STARD13: variants seen among roughly 807,000 people sequenced by gnomAD.
STARD13 encodes the protein stAR-related lipid transfer protein 13.
A neutral mutation model predicts 106.4 loss-of-function variants in STARD13; 62 were observed. The ratio of observed to expected loss-of-function variants is 0.58; its 90% confidence interval spans 0.48 to 0.72. The LOEUF (loss-of-function observed/expected upper bound fraction) is 0.72. Among genes scored for constraint, STARD13 ranks in the 30% least tolerant of loss-of-function variants. The pLI is 0.00. For synonymous variants in STARD13, 565 were observed against 553.0 expected (o/e 1.02, Z -0.31); for missense variants, 1,387 against 1,424.0 (o/e 0.97, Z 0.42).
intron 5 of STARD13, among the ~76,000 whole-genome samples, chr13:33,128,637 G>A (rs1566005469): frequency 6.6e-6 from 1 of 152,160 alleles, no homozygotes; most frequent in Non-Finnish European, 1.5e-5. Context: ...AGGATTCCCT[G>A]CCTATGGTGC....
chr13:33,548,020 G>C, the STARD13 span, among the ~76,000 whole-genome samples: 1 of 152,116 alleles, frequency 6.6e-6, no homozygotes, highest in Non-Finnish European at 1.5e-5. Flanking sequence ...CTTTATTTTA[G>C]ATTCACTATA....
At chr13:33,141,590 T>C (rs1566019913) in intron 4 of STARD13, among the ~76,000 whole-genome samples, 1 of 152,054 alleles carries the variant, frequency 6.6e-6, no homozygotes, top group Admixed American at 6.5e-5. Context: ...GGGAGAATGG[T>C]GAAAGATGAG....
the STARD13 span, among the ~76,000 whole-genome samples, chr13:33,394,317 G>A: frequency 6.6e-6 from 1 of 151,948 alleles, no homozygotes; most frequent in African/African-American, 2.4e-5. Flanking sequence ...CTGTCCACAT[G>A]TAGCTATTTA....
At chr13:33,551,568 C>CTTTTTT in the STARD13 span, among the ~76,000 whole-genome samples, 1,975 of 44,794 alleles carry the variant, frequency 0.044, 968 homozygotes, top group East Asian at 0.062. Context: ...TTTGCTTTTC[C>CTTTTTT]CTTTTTTTTT....
chr13:33,165,137 C>T (rs1046878297), intron 3 of STARD13, among the ~76,000 whole-genome samples, 200 bp downstream of exon 3: 1 of 152,044 alleles, frequency 6.6e-6, no homozygotes, highest in African/African-American at 2.4e-5. Flanking sequence ...GTCCAAAGGC[C>T]CCTGCTAGGA....
chr13:33,488,548 T>C, the STARD13 span, among the ~76,000 whole-genome samples: 1 of 152,176 alleles, frequency 6.6e-6, no homozygotes, highest in Non-Finnish European at 1.5e-5. Flanking sequence ...AGAATGAAGA[T>C]TTTTAAGAAT....
the STARD13 span, among the ~76,000 whole-genome samples, chr13:33,490,275 A>G: frequency 1.3e-5 from 2 of 152,208 alleles, no homozygotes; most frequent in Non-Finnish European, 2.9e-5. Flanking sequence ...ACAGGGAAAT[A>G]CTGGGTAGAA....
chr13:33,213,911 G>A (rs976664792), intron 1 of STARD13, among the ~76,000 whole-genome samples: 6 of 152,184 alleles, frequency 3.9e-5, no homozygotes, highest in African/African-American at 1.4e-4. Flanking sequence ...ATGCTAATGG[G>A]CATCAACAAG....
chr13:33,322,792 A>T lies in STARD13; in HGVS notation c.124+27498T>A, dbSNP rs144706056. On this transcript the variant is annotated intron_variant, in intron 1 of 5. Coordinates refer to the STARD13 transcript ENST00000567873. ...ACCTAAGTCGATATTTGCTACAATC[A>T]TGCAATCTAGTTCTCCTTTCTACCA... is the stretch of plus-strand genomic sequence containing the variant. Among the ~76,000 whole-genome samples the T allele has an allele frequency of 6.6e-5, 10 of 152,344 alleles. 1 individual carries two copies. The highest frequency in any genetic ancestry group is 2.4e-4 in the African/African-American group (10 of 41,590).
intron 1 of STARD13, among the ~76,000 whole-genome samples, chr13:33,190,748 G>A (rs966437059): frequency 2.6e-5 from 4 of 151,988 alleles, no homozygotes; most frequent in Non-Finnish European, 5.9e-5. Context: ...CACCACGCCT[G>A]GCTAATTTTT....
intron 1 of STARD13, among the ~76,000 whole-genome samples, chr13:33,253,424 A>G (rs991042638): frequency 2.6e-5 from 4 of 152,254 alleles, no homozygotes; most frequent in Admixed American, 2.0e-4. Flanking sequence ...TACATGCTTC[A>G]TCCAGGAAAA....
chr13:33,372,045 C>T, the STARD13 span, among the ~76,000 whole-genome samples: 1 of 152,150 alleles, frequency 6.6e-6, no homozygotes, highest in Non-Finnish European at 1.5e-5. Flanking sequence ...ATGTGTAACC[C>T]CTTTTAATGT....
intron 3 of STARD13, among the ~76,000 whole-genome samples, chr13:33,150,531 A>C: frequency 6.6e-6 from 1 of 152,170 alleles, no homozygotes; most frequent in East Asian, 1.9e-4. Flanking sequence ...CTTAAGAAAA[A>C]TTTTAGGAAG....
At chr13:33,519,270 TTCTTTTCTTTC>T in the STARD13 span, among the ~76,000 whole-genome samples, 20 of 148,070 alleles carry the variant, frequency 1.4e-4, no homozygotes, top group African/African-American at 4.9e-4. Flanking sequence ...CTTTCTTTCT[TTCTTTTCTTTC>T]TCTTTCTTTC....
the STARD13 span, among the ~76,000 whole-genome samples, chr13:33,357,641 C>T: frequency 5.9e-5 from 9 of 152,266 alleles, no homozygotes; most frequent in East Asian, 1.2e-3. Flanking sequence ...TAATAAGTTG[C>T]GGAACCAAGA....
chr13:33,437,128 T>A, the STARD13 span, among the ~76,000 whole-genome samples: 1 of 152,198 alleles, frequency 6.6e-6, no homozygotes, highest in East Asian at 1.9e-4. Context: ...TGCCACACCC[T>A]GGGCCTGGTA....
At chr13:33,266,651 T>C (rs1890911346) in intron 1 of STARD13, among the ~76,000 whole-genome samples, 1 of 152,206 alleles carries the variant, frequency 6.6e-6, no homozygotes. Flanking sequence ...AAATACAGCT[T>C]CTTCCCATGG....
At chr13:33,529,813 C>A in the STARD13 span, among the ~76,000 whole-genome samples, 1 of 152,128 alleles carries the variant, frequency 6.6e-6, no homozygotes, top group East Asian at 1.9e-4. Context: ...AACAATACAG[C>A]ATGTTCAAAG....
At chr13:33,528,257 C>CATAT in the STARD13 span, among the ~76,000 whole-genome samples, 271 of 92,892 alleles carry the variant, frequency 2.9e-3, 17 homozygotes, top group African/African-American at 0.016. Context: ...TATATATATA[C>CATAT]ATATATATAT....
Sources: allele counts gnomAD v4.1 joint callset (sites outside exome capture counted in the v4.1 genomes callset), GRCh38; gene constraint gnomAD v4.1.1; transcripts MANE v1.5; gene names NCBI Gene and HGNC (gene_info 2026-07-23, HGNC 2026-07-21).